Variants in IPO13 observed in about 807,000 individuals in gnomAD.
IPO13 encodes importin 13.
In IPO13, 28 loss-of-function variants were observed where a neutral mutation model predicts 115.5. The ratio of observed to expected loss-of-function variants is 0.24; its 90% CI spans 0.18 to 0.33. IPO13 has a LOEUF of 0.33. Ranked by LOEUF, IPO13 falls within the 10% of genes least tolerant of loss-of-function variation. IPO13 has a pLI of 1.00. For synonymous variants in IPO13, 414 were observed against 478.9 expected (o/e 0.86, Z 1.77); for missense variants, 785 against 1,204.6 (o/e 0.65, Z 5.16).
rs755077397 is a variant in IPO13 at position 43,952,052 on chromosome 1, T to C, written c.821+1899T>C. On this transcript the variant is annotated intron_variant, in intron 2 of 19. Coordinates refer to ENST00000372343, the MANE Select transcript of IPO13 (RefSeq NM_014652.4). The surrounding 1 kb of genome is among the most constrained non-coding windows in gnomAD (Gnocchi z 4.7). The stretch of plus-strand genomic sequence containing the variant: ...GTTCTTTTGTGGTCTCTGCTAGGGT[T>C]GGGATGGTCAGTAGCATGCATTTGT... Among the ~76,000 whole-genome samples, 11 of 152,210 alleles carry C rather than the reference T, an allele frequency of 7.2e-5. No homozygotes were observed. Among genetic ancestry groups the C allele is most frequent in the Non-Finnish European group, 1.0e-4 (7 of 68,034 alleles).
rs1438580750 is a variant in IPO13, at chr1:43,949,701, G to A, written c.369G>A (p.Leu123=). Residue 123 remains leucine (L), a synonymous_variant, in exon 2 of 20, where the codon CTG becomes CTA. Transcript: ENST00000372343. ...GCTCCAAGATTGTACTGACTCGGCT[G>A]TGCGTGGCACTGGCCTCACTGGCTC... ...ASGSKIVLTR[L]CVALASLALS... 9 of 1,614,118 alleles carry A rather than the reference G, an allele frequency of 5.6e-6. No homozygotes were observed. The African/African-American group carries it at 9.3e-5, about 17-fold the overall frequency.
In IPO13 at chr1:43,947,704, G is replaced by A; in HGVS notation, c.84+20G>A. ...GAGAAGGTATGAGGGCTCTGGGGTG[G>A]GCACTCCAGTGACAGAGCAGAAGTT... On this transcript the variant is annotated intron_variant, in intron 1 of 19. Transcript: ENST00000372343. 2.4e-6 allele frequency: 3 copies of A among 1,249,362 alleles called. No individual in the cohort carries two copies. Among genetic ancestry groups the A allele is most frequent in the Non-Finnish European group, 3.1e-6 (3 of 973,120 alleles). The allele number at this position is 1,249,362 out of a possible 1,614,324, so 77.4% of individuals were successfully genotyped here.
rs1224929333 is a variant in IPO13 at position 43,966,451 on chromosome 1, G to A, written c.2398-124G>A. 3 of 934,520 alleles carry A rather than the reference G, an allele frequency of 3.2e-6. No homozygotes were observed. The highest frequency in any genetic ancestry group is 3.2e-5 in the African/African-American group (2 of 61,842). The allele number at this position is 934,520 out of a possible 1,614,324, so 57.9% of individuals were successfully genotyped here. A position where few individuals can be genotyped will look rare whatever the true frequency, so the allele number is the denominator to read the frequency against. ...TGGTCCGGGTCCCCCAGAGATGGCT[G>A]GGTAGCTGGTTTTGGCAGCCTCTAC... is the stretch of plus-strand genomic sequence containing the variant. On this transcript the variant is annotated intron_variant, in intron 15 of 19. Transcript: ENST00000372343. The surrounding 1 kb of genome is among the most constrained non-coding windows in gnomAD (Gnocchi z 4.1).
chr1:43,957,359 C>T, intron 6 of IPO13, 43 bp from the exon 7 acceptor site: 1 of 1,613,604 alleles, frequency 6.2e-7, no homozygotes, highest in Non-Finnish European at 8.5e-7. Context: ...AGACCTGTCA[C>T]ACCCTCCTCC....
chr1:43,960,165 C>A, intron 11 of IPO13, 84 bp from the exon 12 acceptor site: 1 of 1,302,988 alleles, frequency 7.7e-7, no homozygotes, highest in Non-Finnish European at 1.1e-6. Context: ...CTGAACTGCT[C>A]CCCTCCTCCC....
In IPO13 at chr1:43,961,032, G is replaced by A. The variant is rs777009504; in HGVS notation, c.2247+19G>A. On this transcript the variant is annotated intron_variant, in intron 13 of 19. Coordinates refer to ENST00000372343, the MANE Select transcript of IPO13 (RefSeq NM_014652.4). ...TCGACAGGTGGGCCTTCTGGTTGGGGCAGAGATCCTGACCCTGGGTGGGGG... is the reference window on the plus strand; with the variant it reads ...TCGACAGGTGGGCCTTCTGGTTGGGACAGAGATCCTGACCCTGGGTGGGGG... The A allele has an allele frequency of 3.4e-5, 55 of 1,613,640 alleles. No homozygotes were observed. The highest frequency in any genetic ancestry group is 4.1e-5 in the Non-Finnish European group (48 of 1,179,682).
In IPO13 at chr1:43,968,010, A is replaced by C; in HGVS notation, c.*328A>C. On this transcript the variant is annotated 3_prime_UTR_variant, in exon 20 of 20. Coordinates refer to ENST00000372343, the MANE Select transcript of IPO13 (RefSeq NM_014652.4). Reference sequence around the variant, plus strand: ...CAACCCCCCCATCCCCATTAAATTAATCCCAACATGCATGTATGCATACAT... The same window carrying C: ...CAACCCCCCCATCCCCATTAAATTACTCCCAACATGCATGTATGCATACAT... 1 of 428,996 alleles carries C rather than the reference A, an allele frequency of 2.3e-6. No individual in the cohort carries two copies. Among genetic ancestry groups the C allele is most frequent in the Non-Finnish European group, 4.3e-6 (1 of 233,142 alleles). The allele number at this position is 428,996 out of a possible 1,614,324, so 26.6% of individuals were successfully genotyped here.
In IPO13 at chr1:43,958,659, G is replaced by A. The variant is rs1030280383; in HGVS notation, c.1884+64G>A. On this transcript the variant is annotated intron_variant, in intron 10 of 19. Coordinates refer to ENST00000372343, the MANE Select transcript of IPO13 (RefSeq NM_014652.4). This position sits in a 1 kb window ranked among gnomAD's most constrained non-coding sequence, Gnocchi z 6.3. Reference sequence around the variant, plus strand: ...GCTGTGGCTGATGAGGGGTGAGGTTGGAGCTGGCCCTCAGAGCTGAGGCTC... The same window carrying A: ...GCTGTGGCTGATGAGGGGTGAGGTTAGAGCTGGCCCTCAGAGCTGAGGCTC... 85 of 1,612,070 alleles carry A rather than the reference G, an allele frequency of 5.3e-5. 1 individual carries two copies. In the Admixed American group the frequency reaches 1.4e-3, roughly 27 times the overall value.
At chr1:43,953,467 A>G (rs1359408121) in intron 2 of IPO13, 1 of 152,246 alleles carries the variant, frequency 6.6e-6, no homozygotes, top group Non-Finnish European at 1.5e-5. Context: ...AATTTATGCA[A>G]GAACTTCTTC....
intron 14 of IPO13, among the ~76,000 whole-genome samples, chr1:43,962,273 C>T (rs2085295179): frequency 6.6e-6 from 1 of 152,190 alleles, no homozygotes; most frequent in Non-Finnish European, 1.5e-5. Flanking sequence ...ATCCTGACTC[C>T]TGATTCTCTC....
At position 43,956,008 on chromosome 1, in the gene IPO13, A is replaced by G. The variant is rs979006108; in HGVS notation, c.822-312A>G. Among the ~76,000 whole-genome samples the G allele has an allele frequency of 3.1e-5, 1 of 31,990 alleles. No individual in the cohort carries two copies. The highest frequency in any genetic ancestry group is 2.5e-4 in the Non-Finnish European group (1 of 3,996). The allele number at this position is 31,990 out of a possible 152,430, so 21.0% of individuals were successfully genotyped here. On this transcript the variant is annotated intron_variant, in intron 2 of 19. Transcript: ENST00000372343. This position sits in a 1 kb window ranked among gnomAD's most constrained non-coding sequence, Gnocchi z 4.7. ...GTAACACAGCAAAACCCCATCTCAA[A>G]AAAAAAAAAAAAAAAAAAATCTTAA...
intron 11 of IPO13, 26 bp from the exon 12 acceptor site, chr1:43,960,223 C>T (rs373165245): frequency 1.7e-5 from 28 of 1,607,114 alleles, no homozygotes; most frequent in South Asian, 5.5e-5. Flanking sequence ...ATAGCAGAAG[C>T]GCCTCACTTC....
rs371001281 is a variant in IPO13 at position 43,956,279 on chromosome 1, A to C, written c.822-41A>C. ...TTCTCTTAAAGCCAGTGTGGGGTTG[A>C]GCAGAGAGCTCTGATGGATTTTCTC... is the stretch of plus-strand genomic sequence containing the variant. On this transcript the variant is annotated intron_variant, in intron 2 of 19. Transcript: ENST00000372343. The surrounding 1 kb of genome is among the most constrained non-coding windows in gnomAD (Gnocchi z 4.7). The C allele has an allele frequency of 9.3e-6, 15 of 1,610,790 alleles. No individual in the cohort carries two copies. The South Asian group carries it at 1.5e-4, about 17-fold the overall frequency.
At position 43,967,252 on chromosome 1, in the gene IPO13, T is replaced by C; in HGVS notation, c.2614-63T>C. On this transcript the variant is annotated intron_variant, in intron 18 of 19. Coordinates refer to ENST00000372343, the MANE Select transcript of IPO13 (RefSeq NM_014652.4). The surrounding 1 kb of genome is among the most constrained non-coding windows in gnomAD (Gnocchi z 6.1). ...GAACTGTCCAGAGGGCAGTTAGGCA[T>C]TCTTGCTGCAGAAGCGGCGGAAGGG... The C allele has an allele frequency of 6.4e-7, 1 of 1,550,950 alleles. No homozygotes were observed.
At chr1:43,964,464 C>T (rs537939554) in intron 15 of IPO13, 143 bp downstream of exon 15, 6 of 656,068 alleles carry the variant, frequency 9.1e-6, no homozygotes, top group East Asian at 2.7e-5. Flanking sequence ...CATCTGTTTC[C>T]GTGGAAGTTG....
In IPO13 at chr1:43,949,598, A is replaced by C; in HGVS notation, c.266A>C (p.Tyr89Ser). The change falls in exon 2 of 20, where the codon TAC becomes TCC. Residue 89 changes from tyrosine (Y) to serine (S), a missense_variant. Transcript: ENST00000372343. ...GCTCTTCACATCAAGATCTCTCGCT[A>C]CTGGAGTGACATCCCCACTGACCAG... ...ASALHIKISR[Y>S]WSDIPTDQYE... 1 of 1,614,176 alleles carries C rather than the reference A, an allele frequency of 6.2e-7. No individual in the cohort carries two copies. The highest frequency in any genetic ancestry group is 8.5e-7 in the Non-Finnish European group (1 of 1,180,030).
chr1:43,956,870 G>C lies in IPO13; in HGVS notation c.1165G>C (p.Val389Leu). The C allele has an allele frequency of 6.2e-7, 1 of 1,614,250 alleles. No homozygotes were observed. The highest frequency in any genetic ancestry group is 8.5e-7 in the Non-Finnish European group (1 of 1,180,048). ...QAVYQQVYRP[V>L]YFQLVDVLLH... ...TGTATACCAGCAGGTGTACCGGCCA[G>C]TCTACTTCCAGCTGGTGGATGTGCT... Residue 389 changes from valine to leucine, a missense_variant, in exon 5 of 20, where the codon GTC (valine) becomes CTC (leucine). Transcript: ENST00000372343. The surrounding 1 kb of genome is among the most constrained non-coding windows in gnomAD (Gnocchi z 4.7).
Position 43,947,578 on chromosome 1 carries a change from T to C in IPO13, c.-23T>C. The C allele has an allele frequency of 7.9e-7, 1 of 1,271,960 alleles. No individual in the cohort carries two copies. Among genetic ancestry groups the C allele is most frequent in the South Asian group, 2.6e-5 (1 of 38,986 alleles). The allele number at this position is 1,271,960 out of a possible 1,614,324, so 78.8% of individuals were successfully genotyped here. A position where few individuals can be genotyped will look rare whatever the true frequency, so the allele number is the denominator to read the frequency against. On this transcript the variant is annotated 5_prime_UTR_variant, in exon 1 of 20. Transcript: ENST00000372343. The stretch of plus-strand genomic sequence containing the variant: ...GGCAGGAGACAGATCAGGGCCCACC[T>C]CCCTGCCAGGGAGGGAGCAAAGATG...
intron 13 of IPO13, 59 bp from the exon 14 acceptor site, chr1:43,961,107 A>G (rs1314679120): frequency 5.6e-6 from 9 of 1,606,012 alleles, no homozygotes; most frequent in Non-Finnish European, 7.7e-6. Flanking sequence ...TTCCAGGGAT[A>G]TTGCCATGTC....
Sources: gnomAD v4.1 joint callset for allele counts (sites outside exome capture counted in the v4.1 genomes callset) on GRCh38, gnomAD v4.1.1 for gene constraint, Gnocchi (gnomAD v3.1) non-coding constraint, MANE v1.5 for transcripts, NCBI Gene and HGNC (gene_info 2026-07-23, HGNC 2026-07-21) for gene names.